GBF1: variants seen among roughly 807,000 people sequenced by gnomAD.
The protein encoded by GBF1 is golgi brefeldin A resistant guanine nucleotide exchange factor 1.
A neutral mutation model predicts 210.5 loss-of-function variants in GBF1; 114 were observed. The ratio of observed to expected loss-of-function variants is 0.54; its 90% CI spans 0.47 to 0.63. GBF1 has a LOEUF of 0.63. GBF1 is among the 30% of genes least tolerant of loss of function. GBF1 has a pLI of 0.00. For missense variants in GBF1, 1,851 were observed against 2,357.7 expected, an observed-to-expected ratio of 0.79 and a Z score of 4.45; for synonymous variants, 850 against 889.2, an observed-to-expected ratio of 0.96 and a Z score of 0.78.
rs758715822 is a variant in GBF1 at position 102,342,407 on chromosome 10, ACT to A, written c.164-1642_164-1641del. Among the ~76,000 whole-genome samples, 1,394 of 150,952 alleles carry A rather than the reference ACT, an allele frequency of 9.2e-3. 10 individuals carry two copies. The highest frequency in any genetic ancestry group is 0.014 in the Non-Finnish European group (977 of 67,726). ...CACACACGCACACACACACACACAC[ACT>A]CACACACAGACACACACACACGTTC... On this transcript the variant is annotated intron_variant, in intron 3 of 39. Coordinates refer to ENST00000369983, the MANE Select transcript of GBF1 (RefSeq NM_001377137.1).
intron 3 of GBF1, among the ~76,000 whole-genome samples, chr10:102,321,444 C>T (rs2056383151): frequency 6.6e-6 from 1 of 152,202 alleles, no homozygotes; most frequent in Non-Finnish European, 1.5e-5. Flanking sequence ...TTATTGAATG[C>T]TCTTTATCAT....
chr10:102,311,436 G>A (rs1003484167), intron 3 of GBF1, among the ~76,000 whole-genome samples: 4 of 152,202 alleles, frequency 2.6e-5, no homozygotes, highest in African/African-American at 4.8e-5. Context: ...AAATATAGGT[G>A]AAGAGAGAAT....
chr10:102,236,688 A>G, the GBF1 span, among the ~76,000 whole-genome samples: 1 of 152,248 alleles, frequency 6.6e-6, no homozygotes. Context: ...GTCAGCTGTC[A>G]TGTGGACCCA....
In GBF1 at chr10:102,334,971, C is replaced by G. The variant is rs77632614; in HGVS notation, c.164-9080C>G. Among the ~76,000 whole-genome samples, 160 of 152,092 alleles carry G rather than the reference C, an allele frequency of 1.1e-3. 2 individuals carry two copies. The East Asian group carries it at 0.029, about 28-fold the overall frequency. The stretch of plus-strand genomic sequence containing the variant: ...CAGACATTGGGCCAAATTGACACTT[C>G]TGTTTTAATGTCATAATATGGGGAG... On this transcript the variant is annotated intron_variant, in intron 3 of 39. Transcript: ENST00000369983.
At chr10:102,322,618 A>G (rs971749086) in intron 3 of GBF1, among the ~76,000 whole-genome samples, 1 of 149,496 alleles carries the variant, frequency 6.7e-6, no homozygotes, top group African/African-American at 2.5e-5. Flanking sequence ...GTGGTGTCTC[A>G]TGCCTGTAAT....
intron 3 of GBF1, among the ~76,000 whole-genome samples, chr10:102,265,517 A>T (rs1255269564): frequency 6.6e-6 from 1 of 152,022 alleles, no homozygotes; most frequent in Non-Finnish European, 1.5e-5. Context: ...CCCCATCTCT[A>T]CAAAAATAAA....
chr10:102,303,630 C>T (rs1414423119), intron 3 of GBF1, among the ~76,000 whole-genome samples: 1 of 152,154 alleles, frequency 6.6e-6, no homozygotes, highest in Non-Finnish European at 1.5e-5. Context: ...AGCCTCCTGT[C>T]ATATATTCAG....
chr10:102,357,252 T>C (rs10786665), intron 8 of GBF1, among the ~76,000 whole-genome samples: 52,021 of 151,956 alleles, frequency 0.34, 9,264 homozygotes, highest in South Asian at 0.48. Flanking sequence ...TTTGGGAGGC[T>C]GGGGCAGGCA....
At chr10:102,291,490 G>A (rs940680881) in intron 3 of GBF1, among the ~76,000 whole-genome samples, 1 of 152,128 alleles carries the variant, frequency 6.6e-6, no homozygotes. Context: ...GTCTTCCCCA[G>A]ACTTTTTACT....
At chr10:102,311,513 C>T (rs1046992533) in intron 3 of GBF1, among the ~76,000 whole-genome samples, 2 of 152,204 alleles carry the variant, frequency 1.3e-5, no homozygotes, top group African/African-American at 2.4e-5. Flanking sequence ...GATGATCTTA[C>T]GCTATTGCTT....
At chr10:102,274,912 A>G (rs902240181) in intron 3 of GBF1, among the ~76,000 whole-genome samples, 1 of 151,254 alleles carries the variant, frequency 6.6e-6, no homozygotes, top group Non-Finnish European at 1.5e-5. Flanking sequence ...GGGTTTCACC[A>G]TGTTGGCCAG....
chr10:102,370,865 G>A lies in GBF1; in HGVS notation c.3660+5G>A, dbSNP rs376956984. 78 of 1,613,770 alleles carry A rather than the reference G, an allele frequency of 4.8e-5. No homozygotes were observed. The highest frequency in any genetic ancestry group is 6.5e-5 in the Non-Finnish European group (77 of 1,179,788). ...AGAGAAGAGATCAGTGCTCAGGTAA[G>A]CAGAATGCATCTTGGAGAGTGGGCA... On this transcript the variant is annotated splice_donor_5th_base_variant and intron_variant, in intron 29 of 39. Coordinates refer to ENST00000369983, the MANE Select transcript of GBF1 (RefSeq NM_001377137.1).
At chr10:102,297,315 G>A (rs2076989262) in intron 3 of GBF1, among the ~76,000 whole-genome samples, 1 of 152,244 alleles carries the variant, frequency 6.6e-6, no homozygotes, top group Non-Finnish European at 1.5e-5. Context: ...AGCTGTGACA[G>A]CCTTCGTTAG....
intron 3 of GBF1, among the ~76,000 whole-genome samples, chr10:102,306,056 A>G (rs903056293): frequency 1.3e-5 from 2 of 152,004 alleles, no homozygotes; most frequent in African/African-American, 2.4e-5. Context: ...CTATATATAT[A>G]TACAATTAAA....
At position 102,333,702 on chromosome 10, in the gene GBF1, C is replaced by T. The variant is rs2057505609; in HGVS notation, c.164-10349C>T. 2.0e-5 allele frequency among the ~76,000 whole-genome samples: 3 copies of T among 152,146 alleles called. No homozygotes were observed. In the South Asian group the frequency reaches 6.2e-4, roughly 32 times the overall value. The stretch of plus-strand genomic sequence containing the variant: ...TCAGCCTCCCAAAGTGCTGGGATTA[C>T]AGGTGTAAGCCACCACACCTGGCCT... On this transcript the variant is annotated intron_variant, in intron 3 of 39. Transcript: ENST00000369983.
chr10:102,346,591 C>T (rs1426935705), intron 4 of GBF1, among the ~76,000 whole-genome samples: 1 of 152,210 alleles, frequency 6.6e-6, no homozygotes, highest in Non-Finnish European at 1.5e-5. Flanking sequence ...TCACTGCAGC[C>T]TTGACCTTCG....
intron 3 of GBF1, among the ~76,000 whole-genome samples, chr10:102,266,182 T>C (rs2133214758): frequency 6.6e-6 from 1 of 151,896 alleles, no homozygotes; most frequent in South Asian, 2.1e-4. Flanking sequence ...CAGCTTGCAG[T>C]GAGCCGAGAT....
Position 102,258,962 on chromosome 10 carries a change from C to T in GBF1, c.24C>T (p.Ile8=), listed in dbSNP as rs140374322. MVDKNIY[I]IQGEINIVVG... ...AGATGGTGGATAAGAATATTTACAT[C>T]ATTCAAGGGGAGATTAACATTGTGG... Residue 8 remains isoleucine (I), a synonymous_variant, in exon 2 of 40, where the codon ATC becomes ATT. Transcript: ENST00000369983. The T allele has an allele frequency of 1.2e-6, 2 of 1,600,062 alleles. No homozygotes were observed. The highest frequency in any genetic ancestry group is 8.6e-7 in the Non-Finnish European group (1 of 1,167,166).
chr10:102,363,513 C>T lies in GBF1; in HGVS notation c.2017+117C>T. The T allele has an allele frequency of 9.8e-7, 1 of 1,025,416 alleles. No homozygotes were observed. Among genetic ancestry groups the T allele is most frequent in the East Asian group, 2.4e-5 (1 of 41,770 alleles). 63.5% of individuals were successfully genotyped at this position (1,025,416 alleles called of 1,614,324 possible). ...AGCAAGCCTTGGTAGCCCGCCTCGC[C>T]TTCAGACTCAGAGAGAGGGAAGCAA... On this transcript the variant is annotated intron_variant, in intron 16 of 39. Coordinates refer to ENST00000369983, the MANE Select transcript of GBF1 (RefSeq NM_001377137.1). The surrounding 1 kb of genome is among the most constrained non-coding windows in gnomAD (Gnocchi z 4.2).
Sources: allele counts gnomAD v4.1 joint callset (sites outside exome capture counted in the v4.1 genomes callset), GRCh38; gene constraint gnomAD v4.1.1; non-coding constraint Gnocchi (gnomAD v3.1); transcripts MANE v1.5; gene names NCBI Gene and HGNC (gene_info 2026-07-23, HGNC 2026-07-21).